Variants in FYB2 observed in about 807,000 individuals in gnomAD.
FYB2 encodes the protein FYN-binding protein 2.
Under a neutral mutation model 94.1 loss-of-function variants are expected in FYB2, and 103 were observed. The ratio of observed to expected loss-of-function variants is 1.09; its 90% CI spans 0.93 to 1.29. The LOEUF (loss-of-function observed/expected upper bound fraction) is 1.29, where lower values mean the gene tolerates loss of function less well. Among genes scored for constraint, FYB2 ranks in the 50% most tolerant of loss-of-function variants. FYB2 has a pLI of 0.00. For missense variants in FYB2, 896 were observed against 841.5 expected (o/e 1.06, Z -0.80); for synonymous variants, 293 against 287.9 (o/e 1.02, Z -0.18).
At chr1:56,748,365 T>C (rs1038951737) in intron 9 of FYB2, among the ~76,000 whole-genome samples, 2 of 152,108 alleles carry the variant, frequency 1.3e-5, no homozygotes, top group African/African-American at 4.8e-5. Flanking sequence ...TCTTCTTGGG[T>C]TTTTATGGTT....
rs1456139450 is a variant in FYB2, at chr1:56,719,037, G to A, written c.*634C>T. 6.6e-6 allele frequency: 1 copy of A among 152,128 alleles called. No individual in the cohort carries two copies. The highest frequency in any genetic ancestry group is 1.5e-5 in the Non-Finnish European group (1 of 67,922). 9.4% of individuals were successfully genotyped at this position (152,128 alleles called of 1,614,324 possible). ...TATATTATTTTGTTAAATACATTTG[G>A]GCACTTCTTAAAATGATGGGTGAAT... On this transcript the variant is annotated 3_prime_UTR_variant, in exon 20 of 20. Transcript: ENST00000343433.
rs967605246 is a variant in FYB2, at chr1:56,744,603, A to G, written c.1388-337T>C. On this transcript the variant is annotated intron_variant, in intron 9 of 19. Coordinates refer to ENST00000343433, the MANE Select transcript of FYB2 (RefSeq NM_001004303.5). ...TTTAATCCCTGACCTCAAACTTTGA[A>G]GTCTACCAGGGTACATCCCTGGGGC... Among the ~76,000 whole-genome samples, 3 of 151,966 alleles carry G rather than the reference A, an allele frequency of 2.0e-5. No homozygotes were observed. The East Asian group carries it at 5.8e-4, about 29-fold the overall frequency.
intron 11 of FYB2, among the ~76,000 whole-genome samples, chr1:56,743,677 T>A (rs1193110008): frequency 1.3e-5 from 2 of 152,050 alleles, no homozygotes; most frequent in Admixed American, 1.3e-4. Context: ...TCAAGGACTC[T>A]AGATCATGTC....
At chr1:56,769,648 T>C (rs1355079021) in intron 4 of FYB2, among the ~76,000 whole-genome samples, 1 of 152,128 alleles carries the variant, frequency 6.6e-6, no homozygotes, top group African/African-American at 2.4e-5. Flanking sequence ...TTAGACTTTG[T>C]AAATTATAGA....
At chr1:56,769,476 A>T (rs931950052) in intron 4 of FYB2, among the ~76,000 whole-genome samples, 3 of 152,206 alleles carry the variant, frequency 2.0e-5, no homozygotes, top group African/African-American at 7.2e-5. Flanking sequence ...GATTATAAAA[A>T]GAAAGAAGAA....
intron 4 of FYB2, among the ~76,000 whole-genome samples, chr1:56,775,936 TA>T (rs1645865156): frequency 6.6e-6 from 1 of 152,206 alleles, no homozygotes; most frequent in South Asian, 2.1e-4. Flanking sequence ...ATATTCATGT[TA>T]ATTTTATATG....
At chr1:56,813,564 T>C (rs1646814968) in intron 1 of FYB2, among the ~76,000 whole-genome samples, 1 of 152,124 alleles carries the variant, frequency 6.6e-6, no homozygotes, top group Non-Finnish European at 1.5e-5. Flanking sequence ...ACAGCCAAAA[T>C]ATATCACTTG....
chr1:56,797,645 C>T (rs182777695), intron 1 of FYB2, among the ~76,000 whole-genome samples: 15 of 152,300 alleles, frequency 9.8e-5, no homozygotes, highest in South Asian at 8.3e-4. Context: ...TCCTGTGCTA[C>T]GTGGTGGGTA....
intron 1 of FYB2, among the ~76,000 whole-genome samples, chr1:56,806,360 G>T (rs1224722781): frequency 6.6e-6 from 1 of 152,162 alleles, no homozygotes; most frequent in African/African-American, 2.4e-5. Flanking sequence ...AGTAATTGTG[G>T]TTTTTGCCAT....
At chr1:56,738,678 A>T in intron 13 of FYB2, 25 bp from the exon 14 acceptor site, 1 of 1,608,402 alleles carries the variant, frequency 6.2e-7, no homozygotes, top group Non-Finnish European at 8.5e-7. Context: ...AAGACACAAA[A>T]GAGTTAAGGA....
chr1:56,771,478 T>G (rs1449455513), intron 4 of FYB2, among the ~76,000 whole-genome samples: 1 of 152,200 alleles, frequency 6.6e-6, no homozygotes, highest in Non-Finnish European at 1.5e-5. Flanking sequence ...AAATTCATGA[T>G]TGGAGTTGCC....
At chr1:56,818,631 A>G (rs11206924) in intron 1 of FYB2, among the ~76,000 whole-genome samples, 4 of 152,068 alleles carry the variant, frequency 2.6e-5, no homozygotes, top group Non-Finnish European at 5.9e-5. Context: ...GCACTCAGCC[A>G]TCCAAGGGGC....
Position 56,782,465 on chromosome 1 carries a change from C to G in FYB2, c.953+4710G>C, listed in dbSNP as rs118149914. The stretch of plus-strand genomic sequence containing the variant: ...TCACTTCCACAGGATCAGCCACTCC[C>G]CACTGCCTGACACGGGTCCTAGAGA... On this transcript the variant is annotated intron_variant, in intron 4 of 19. Coordinates refer to ENST00000343433, the MANE Select transcript of FYB2 (RefSeq NM_001004303.5). Among the ~76,000 whole-genome samples the G allele has an allele frequency of 6.5e-4, 99 of 152,152 alleles. 2 individuals are homozygous for G. The East Asian group carries it at 0.017, about 26-fold the overall frequency.
At chr1:56,795,611 T>C (rs1013744119) in intron 1 of FYB2, among the ~76,000 whole-genome samples, 1 of 150,914 alleles carries the variant, frequency 6.6e-6, no homozygotes, top group African/African-American at 2.5e-5. Context: ...GTACAGGGGT[T>C]CCAATTTCTC....
chr1:56,775,282 A>G (rs1185219664), intron 4 of FYB2, among the ~76,000 whole-genome samples: 3 of 152,128 alleles, frequency 2.0e-5, no homozygotes, highest in South Asian at 2.1e-4. Flanking sequence ...TCTTTTTTCT[A>G]TTCATGTATA....
chr1:56,753,965 A>AG (rs397808828), intron 7 of FYB2, 30 bp from the exon 8 acceptor site: 3 of 1,454,328 alleles, frequency 2.1e-6, no homozygotes, highest in African/African-American at 1.4e-5. Flanking sequence ...CAGGAAAAAA[A>AG]TGAAGCTTAG....
intron 9 of FYB2, among the ~76,000 whole-genome samples, chr1:56,747,157 A>T (rs925702792): frequency 3.9e-5 from 6 of 151,970 alleles, no homozygotes; most frequent in Non-Finnish European, 7.4e-5. Context: ...AATATGAGTC[A>T]TTTATCAAAT....
chr1:56,765,012 AC>A (rs779837766), intron 5 of FYB2, among the ~76,000 whole-genome samples: 1 of 152,124 alleles, frequency 6.6e-6, no homozygotes, highest in Non-Finnish European at 1.5e-5. Flanking sequence ...CCTCCTAAAT[AC>A]CATCGCATTG....
chr1:56,815,248 G>A lies in FYB2; in HGVS notation c.9+4034C>T, dbSNP rs1036079181. ...CCTTCTCCCCCTCCTTCACTCGAGCGTTCCCTGATGAAATGCCACTTCCTC... is the reference window on the plus strand; with the variant it reads ...CCTTCTCCCCCTCCTTCACTCGAGCATTCCCTGATGAAATGCCACTTCCTC... On this transcript the variant is annotated intron_variant, in intron 1 of 19. Transcript: ENST00000343433. Among the ~76,000 whole-genome samples the A allele has an allele frequency of 4.0e-5, 6 of 151,822 alleles. No individual in the cohort carries two copies. In the East Asian group the frequency reaches 7.7e-4, roughly 20 times the overall value.
Sources: gnomAD v4.1 joint callset for allele counts (sites outside exome capture counted in the v4.1 genomes callset) on GRCh38, gnomAD v4.1.1 for gene constraint, MANE v1.5 for transcripts, NCBI Gene and HGNC (gene_info 2026-07-23, HGNC 2026-07-21) for gene names.